The following ZNF837 variants were observed in gnomAD, a reference collection of about 807,000 sequenced individuals.
ZNF837 encodes zinc finger protein 837.
For synonymous variants in ZNF837, 475 were observed against 365.2 expected, an observed-to-expected ratio of 1.30 and a Z score of -3.43; for missense variants, 955 against 801.7, an observed-to-expected ratio of 1.19 and a Z score of -2.31.
chr19:58,374,750 A>G (rs953436297), intron 1 of ZNF837, among the ~76,000 whole-genome samples: 2 of 152,080 alleles, frequency 1.3e-5, no homozygotes, highest in African/African-American at 4.8e-5. Flanking sequence ...CCTGGCCAAA[A>G]TGTCGAAACC....
chr19:58,373,154 G>T (rs1411587209), intron 1 of ZNF837, among the ~76,000 whole-genome samples: 3 of 152,206 alleles, frequency 2.0e-5, no homozygotes, highest in Non-Finnish European at 4.4e-5. Flanking sequence ...TCGGGGTCTG[G>T]GTTTTCCTGA....
chr19:58,374,765 C>G (rs1267054284), intron 1 of ZNF837, among the ~76,000 whole-genome samples: 2 of 152,028 alleles, frequency 1.3e-5, no homozygotes, highest in African/African-American at 4.8e-5. Flanking sequence ...GAAACCCCAT[C>G]TCTGCTAAAA....
In ZNF837 at chr19:58,376,917, T is replaced by TA. The variant is rs34562043; in HGVS notation, c.-140+4023dup. On this transcript the variant is annotated intron_variant, in intron 1 of 2. Transcript: ENST00000597582. ...CAGTATGGTGAAACCCTGTCTCTAT[T>TA]AAAAAAAAAAAAAAAAATGGCCGGA... 8.9e-3 allele frequency among the ~76,000 whole-genome samples: 1,229 copies of TA among 138,852 alleles called. 11 individuals are homozygous for TA. Among genetic ancestry groups the TA allele is most frequent in the South Asian group, 0.046 (202 of 4,366 alleles). 91.1% of individuals were successfully genotyped at this position (138,852 alleles called of 152,430 possible). A position where few individuals can be genotyped will look rare whatever the true frequency, so the allele number is the denominator to read the frequency against.
At chr19:58,380,063 G>A (rs1176663994) in intron 1 of ZNF837, among the ~76,000 whole-genome samples, 1 of 152,214 alleles carries the variant, frequency 6.6e-6, no homozygotes, top group African/African-American at 2.4e-5. Flanking sequence ...GTGGCTCTGA[G>A]GTGTGGAGGA....
intron 1 of ZNF837, among the ~76,000 whole-genome samples, chr19:58,371,782 C>T (rs1024753512): frequency 2.0e-5 from 3 of 152,194 alleles, no homozygotes; most frequent in African/African-American, 4.8e-5. Flanking sequence ...AGTGCAGTGG[C>T]GCCATCTCAG....
chr19:58,374,242 G>A (rs1160509752), intron 1 of ZNF837, among the ~76,000 whole-genome samples: 1 of 152,214 alleles, frequency 6.6e-6, no homozygotes, highest in Non-Finnish European at 1.5e-5. Context: ...GCTCACAGAT[G>A]TTCAGAGCAG....
rs771463218 is a variant in ZNF837 at position 58,368,170 on chromosome 19, T to G, written c.1163A>C (p.Glu388Ala). ...LVEHRRVHTGEKPYACPECGK... is the reference protein window; with the variant it reads ...LVEHRRVHTGAKPYACPECGK... Reference sequence around the variant, plus strand: ...GCACTCGGGGCACGCGTAGGGCTTCTCGCCGGTGTGCACGCGCCGGTGCTC... The same window carrying G: ...GCACTCGGGGCACGCGTAGGGCTTCGCGCCGGTGTGCACGCGCCGGTGCTC... The change falls in exon 3 of 3, where the codon GAG (glutamate) becomes GCG (alanine). Residue 388 changes from glutamate to alanine, a missense_variant. Transcript: ENST00000597582. The G allele has an allele frequency of 5.0e-6, 8 of 1,587,386 alleles. No homozygotes were observed. In the Admixed American group the frequency reaches 1.4e-4, roughly 28 times the overall value.
rs1414604409 is a variant in ZNF837 at position 58,368,028 on chromosome 19, C to T, written c.1305G>A (p.Val435=). ...EKAFKGRSGL[V]QHQRAHTGER... is the part of the protein sequence containing the mutation. ...CGCCGGTGTGCGCGCGCTGGTGTTG[C>T]ACCAGGCCCGAGCGGCCCTTGAAGG... The change falls in exon 3 of 3, where the codon GTG becomes GTA. Residue 435 remains valine (V), a synonymous_variant. Transcript: ENST00000597582. 1.3e-6 allele frequency: 2 copies of T among 1,535,988 alleles called. No homozygotes were observed. Among genetic ancestry groups the T allele is most frequent in the African/African-American group, 2.7e-5 (2 of 72,846 alleles).
intron 1 of ZNF837, among the ~76,000 whole-genome samples, chr19:58,378,637 C>G (rs1316164353): frequency 6.6e-6 from 1 of 152,174 alleles, no homozygotes; most frequent in Non-Finnish European, 1.5e-5. Context: ...CAGGCAGGTT[C>G]CACTGAAGGA....
rs1395200916 is a variant in ZNF837, at chr19:58,367,630, A to C, written c.*107T>G. 18 of 1,377,784 alleles carry C rather than the reference A, an allele frequency of 1.3e-5. No homozygotes were observed. The highest frequency in any genetic ancestry group is 1.7e-5 in the Non-Finnish European group (18 of 1,052,980). The allele number at this position is 1,377,784 out of a possible 1,614,324, so 85.3% of individuals were successfully genotyped here. On this transcript the variant is annotated 3_prime_UTR_variant, in exon 3 of 3. Transcript: ENST00000597582. ...AAGCCTGTGGACGCCATGTGTACAA[A>C]GTGAAGTTTAATCAAAGTTACAAAC... is the stretch of plus-strand genomic sequence containing the variant.
chr19:58,371,587 T>C (rs2052202663), intron 1 of ZNF837, among the ~76,000 whole-genome samples: 1 of 152,244 alleles, frequency 6.6e-6, no homozygotes, highest in African/African-American at 2.4e-5. Context: ...TAACATCATA[T>C]GCAGAGCGTG....
rs755113546 is a variant in ZNF837, at chr19:58,367,852, A to T, written c.1481T>A (p.Leu494Gln). The T allele has an allele frequency of 5.2e-6, 8 of 1,530,454 alleles. No individual in the cohort carries two copies. In the African/African-American group the frequency reaches 7.0e-5, roughly 13 times the overall value. The allele number at this position is 1,530,454 out of a possible 1,614,324, so 94.8% of individuals were successfully genotyped here. A position where few individuals can be genotyped will look rare whatever the true frequency, so the allele number is the denominator to read the frequency against. ...GGGCCGCTCGCCCGTGTGCGTGCGC[A>T]GGTGGCGCACCAGGCTGCAGTTGCG... is the stretch of plus-strand genomic sequence containing the variant. Reference protein sequence around the residue: ...FVRNCSLVRHLRTHTGERPYA... With the variant: ...FVRNCSLVRHQRTHTGERPYA... The change falls in exon 3 of 3, where the codon CTG (leucine) becomes CAG (glutamine). Residue 494 changes from leucine (L) to glutamine (Q), a missense_variant. Physicochemically the swap from Leu to Gln is moderately radical, Grantham distance 113. Coordinates refer to ENST00000597582, the MANE Select transcript of ZNF837 (RefSeq NM_138466.2).
chr19:58,368,296 T>C lies in ZNF837; in HGVS notation c.1037A>G (p.Asp346Gly), dbSNP rs901144896. 10 of 1,483,866 alleles carry C rather than the reference T, an allele frequency of 6.7e-6. No homozygotes were observed. The highest frequency in any genetic ancestry group is 8.0e-6 in the Non-Finnish European group (9 of 1,125,906). 91.9% of individuals were successfully genotyped at this position (1,483,866 alleles called of 1,614,324 possible). ...AFRLGCPPCG[D>G]YSERSPRRGS... ...CCGTCGGGGACTCCGCTCGCTGTAG[T>C]CCCCGCAGGGCGGGCACCCCAGCCG... Residue 346 changes from aspartate (D) to glycine (G), a missense_variant, in exon 3 of 3, where the codon GAC (aspartate) becomes GGC (glycine). By Grantham distance (94) the Asp-to-Gly change is moderately conservative. Coordinates refer to ENST00000597582, the MANE Select transcript of ZNF837 (RefSeq NM_138466.2).
intron 1 of ZNF837, among the ~76,000 whole-genome samples, chr19:58,371,633 G>A (rs2122123112): frequency 6.6e-6 from 1 of 152,310 alleles, no homozygotes; most frequent in Non-Finnish European, 1.5e-5. Context: ...GTAAATCACT[G>A]CTTCACTCGG....
At position 58,368,469 on chromosome 19, in the gene ZNF837, C is replaced by T. The variant is rs892875903; in HGVS notation, c.864G>A (p.Gln288=). The T allele has an allele frequency of 6.4e-7, 1 of 1,569,010 alleles. No individual in the cohort carries two copies. The highest frequency in any genetic ancestry group is 8.6e-7 in the Non-Finnish European group (1 of 1,159,238). The part of the protein sequence containing the change: ...KAFTRTSSLL[Q]HQRIHTGERP... Reference sequence around the variant, plus strand: ...GCTCGCCCGTGTGGATGCGCTGGTGCTGCAGCAGGCTGGAGGTGCGCGTGA... The same window carrying T: ...GCTCGCCCGTGTGGATGCGCTGGTGTTGCAGCAGGCTGGAGGTGCGCGTGA... The change falls in exon 3 of 3, where the codon CAG becomes CAA. Residue 288 remains glutamine (Q), a synonymous_variant. Transcript: ENST00000597582.
In ZNF837 at chr19:58,368,071, C is replaced by A. The variant is rs1014022656; in HGVS notation, c.1262G>T (p.Cys421Phe). The change falls in exon 3 of 3, where the codon TGC becomes TTC. Residue 421 changes from cysteine (C) to phenylalanine (F), a missense_variant. Physicochemically the swap from Cys to Phe is radical, Grantham distance 205. Coordinates refer to ENST00000597582, the MANE Select transcript of ZNF837 (RefSeq NM_138466.2). Reference protein sequence around the residue: ...RTHSSAKPYACPLCEKAFKGR... With the variant: ...RTHSSAKPYAFPLCEKAFKGR... Reference sequence around the variant, plus strand: ...CTTGAAGGCCTTTTCGCACAGTGGGCACGCGTAGGGCTTGGCGCTGCTGTG... The same window carrying A: ...CTTGAAGGCCTTTTCGCACAGTGGGAACGCGTAGGGCTTGGCGCTGCTGTG... 7.1e-6 allele frequency: 11 copies of A among 1,546,068 alleles called. No individual in the cohort carries two copies. In the Admixed American group the frequency reaches 1.4e-4, roughly 19 times the overall value.
intron 1 of ZNF837, among the ~76,000 whole-genome samples, chr19:58,373,349 G>T (rs2052217070): frequency 6.6e-6 from 1 of 152,220 alleles, no homozygotes; most frequent in South Asian, 2.1e-4. Flanking sequence ...ACTCAAGGAG[G>T]CATGCTTGGA....
intron 1 of ZNF837, among the ~76,000 whole-genome samples, chr19:58,371,315 G>A (rs942215442): frequency 2.0e-5 from 3 of 151,724 alleles, no homozygotes; most frequent in Non-Finnish European, 4.4e-5. Flanking sequence ...GGCTAAGGCA[G>A]GAGAATCACT....
At position 58,368,227 on chromosome 19, in the gene ZNF837, G is replaced by A. The variant is rs764967562; in HGVS notation, c.1106C>T (p.Ala369Val). 3 of 1,518,586 alleles carry A rather than the reference G, an allele frequency of 2.0e-6. No individual in the cohort carries two copies. The South Asian group carries it at 3.7e-5, about 19-fold the overall frequency. The allele number at this position is 1,518,586 out of a possible 1,614,324, so 94.1% of individuals were successfully genotyped here. Residue 369 changes from alanine (A) to valine (V), a missense_variant, in exon 3 of 3, where the codon GCC becomes GTC. Transcript: ENST00000597582. ...GEKPYECADC[A>V]KAFGLFSHLV... ...GTGCGAGAACAGCCCGAAGGCCTTG[G>A]CGCAGTCGGCGCACTCGTACGGCTT... is the stretch of plus-strand genomic sequence containing the variant.
Sources: gnomAD v4.1 joint callset for allele counts (sites outside exome capture counted in the v4.1 genomes callset) on GRCh38, gnomAD v4.1.1 for gene constraint, MANE v1.5 for transcripts, NCBI Gene and HGNC (gene_info 2026-07-23, HGNC 2026-07-21) for gene names.